The following MTMR7 variants were observed in gnomAD, a reference collection of about 807,000 sequenced individuals.
MTMR7 encodes the protein phosphatidylinositol-3-phosphate phosphatase MTMR7.
MTMR7 carries 76 observed loss-of-function variants against 81.2 expected under a neutral mutation model. The observed-to-expected ratio is 0.94, with a 90% confidence interval of 0.78 to 1.13. MTMR7 has a LOEUF of 1.13. Among genes scored for constraint, MTMR7 ranks in the 50% most tolerant of loss-of-function variants. The pLI, the probability that MTMR7 is intolerant of heterozygous loss-of-function variation, is 0.00. For missense variants in MTMR7, 1,044 were observed against 820.0 expected, an observed-to-expected ratio of 1.27 and a Z score of -3.34; for synonymous variants, 372 against 289.8, an observed-to-expected ratio of 1.28 and a Z score of -2.88.
intron 6 of MTMR7, among the ~76,000 whole-genome samples, chr8:17,336,925 G>T (rs1819258577): frequency 6.6e-6 from 1 of 152,156 alleles, no homozygotes; most frequent in Non-Finnish European, 1.5e-5. Context: ...TGGGCTCTGG[G>T]GTTAGATAAG....
Position 17,331,404 on chromosome 8 carries a change from G to A in MTMR7, c.733-122C>T, listed in dbSNP as rs149298638. 4.4e-3 allele frequency: 4,572 copies of A among 1,033,498 alleles called. 15 individuals are homozygous for A. Among genetic ancestry groups the A allele is most frequent in the Non-Finnish European group, 5.5e-3 (4,074 of 739,874 alleles). The allele number at this position is 1,033,498 out of a possible 1,614,324, so 64.0% of individuals were successfully genotyped here. ...AGAATGATGTACGGAAACATAATAC[G>A]CTTATTTGAATCACTGCAACCTTGT... On this transcript the variant is annotated intron_variant, in intron 6 of 13. Coordinates refer to ENST00000180173, the MANE Select transcript of MTMR7 (RefSeq NM_004686.5).
At chr8:17,351,646 A>G (rs915846869) in intron 4 of MTMR7, among the ~76,000 whole-genome samples, 2 of 152,244 alleles carry the variant, frequency 1.3e-5, no homozygotes, top group African/African-American at 4.8e-5. Flanking sequence ...CCCTCTATGA[A>G]CACAATACCA....
chr8:17,408,395 C>CAAAAAAAAAAAAAAAAAAAAAAAAAAAA (rs530240881), intron 1 of MTMR7, among the ~76,000 whole-genome samples: 3 of 23,508 alleles, frequency 1.3e-4, no homozygotes, highest in African/African-American at 2.8e-4. Flanking sequence ...GACTCCGTCT[C>CAAAAAAAAAAAAAAAAAAAAAAAAAAAA]AAAAAAAAAA....
intron 7 of MTMR7, among the ~76,000 whole-genome samples, chr8:17,319,236 G>A (rs1391378504): frequency 6.6e-6 from 1 of 152,196 alleles, no homozygotes; most frequent in Non-Finnish European, 1.5e-5. Flanking sequence ...GAGCCTCGCT[G>A]TCTTCAAATA....
rs548044081 is a variant in MTMR7, at chr8:17,338,887, A to G, written c.732+2476T>C. 3.9e-5 allele frequency: 6 copies of G among 152,306 alleles called. No individual in the cohort carries two copies. The East Asian group carries it at 9.6e-4, about 24-fold the overall frequency. The allele number at this position is 152,306 out of a possible 1,614,324, so 9.4% of individuals were successfully genotyped here. On this transcript the variant is annotated intron_variant, in intron 6 of 13. Transcript: ENST00000180173. The stretch of plus-strand genomic sequence containing the variant: ...TCCAGGACTGATTCGCTCATCTGGC[A>G]TCCGTGAGTAGTAACTCCACACACT...
chr8:17,361,975 T>G (rs1181780868), intron 3 of MTMR7, among the ~76,000 whole-genome samples: 6 of 152,184 alleles, frequency 3.9e-5, no homozygotes, highest in Non-Finnish European at 1.5e-5. Flanking sequence ...TATACTGCCT[T>G]TGATGCTTGT....
chr8:17,348,935 A>C lies in MTMR7; in HGVS notation c.597+18T>G. The C allele has an allele frequency of 1.9e-6, 3 of 1,613,466 alleles. No individual in the cohort carries two copies. The highest frequency in any genetic ancestry group is 2.5e-6 in the Non-Finnish European group (3 of 1,179,794). ...TAGAAAAGCAAAGTGTAAAACAAAA[A>C]CACGCCTCGAGACTTACGTGGTTAT... On this transcript the variant is annotated intron_variant, in intron 5 of 13. Transcript: ENST00000180173.
At chr8:17,394,034 C>G (rs1055710879) in intron 1 of MTMR7, among the ~76,000 whole-genome samples, 3 of 151,890 alleles carry the variant, frequency 2.0e-5, no homozygotes, top group Admixed American at 6.6e-5. Context: ...TAGCTATAAT[C>G]AAGAGATAAC....
intron 6 of MTMR7, among the ~76,000 whole-genome samples, chr8:17,336,033 G>A (rs889071964): frequency 1.3e-5 from 2 of 152,176 alleles, no homozygotes; most frequent in African/African-American, 4.8e-5. Flanking sequence ...GGAAAGCTCG[G>A]CAGGGTTCCA....
chr8:17,315,258 T>C (rs1205760740), intron 7 of MTMR7, among the ~76,000 whole-genome samples: 24 of 152,186 alleles, frequency 1.6e-4, no homozygotes, highest in Admixed American at 1.6e-3. Context: ...CTACATATTA[T>C]ATGATGTCAA....
At chr8:17,381,786 C>A (rs1185075043) in intron 1 of MTMR7, among the ~76,000 whole-genome samples, 1 of 152,160 alleles carries the variant, frequency 6.6e-6, no homozygotes, top group African/African-American at 2.4e-5. Flanking sequence ...AGAAAAGCAG[C>A]TAGATAAATA....
intron 3 of MTMR7, among the ~76,000 whole-genome samples, chr8:17,364,366 G>A (rs1440413177): frequency 2.0e-5 from 3 of 152,060 alleles, no homozygotes; most frequent in African/African-American, 4.8e-5. Flanking sequence ...ACTACAATGT[G>A]GAATGATTAA....
intron 5 of MTMR7, among the ~76,000 whole-genome samples, chr8:17,343,032 A>C (rs138100860): frequency 4.5e-4 from 69 of 152,266 alleles, no homozygotes; most frequent in African/African-American, 1.6e-3. Flanking sequence ...TGTTTCCTTT[A>C]ATCTTTAAGG....
At chr8:17,364,428 C>T (rs79336676) in intron 3 of MTMR7, among the ~76,000 whole-genome samples, 10,819 of 152,164 alleles carry the variant, frequency 0.071, 695 homozygotes, top group East Asian at 0.32. Flanking sequence ...TTTTTTGTAA[C>T]GAGAACATCT....
chr8:17,320,500 G>C (rs1362204030), intron 7 of MTMR7, among the ~76,000 whole-genome samples: 1 of 152,130 alleles, frequency 6.6e-6, no homozygotes, highest in African/African-American at 2.4e-5. Context: ...TGAGAGGCAG[G>C]TCATGTAATC....
At chr8:17,346,621 A>G (rs542237735) in intron 5 of MTMR7, among the ~76,000 whole-genome samples, 1 of 151,258 alleles carries the variant, frequency 6.6e-6, no homozygotes, top group African/African-American at 2.5e-5. Context: ...TACTACTCAC[A>G]TTGACAAAAA....
Position 17,298,042 on chromosome 8 carries a change from TA to T in MTMR7, c.*1819del, listed in dbSNP as rs1255417484. 6.6e-6 allele frequency: 1 copy of T among 152,188 alleles called. No homozygotes were observed. Among genetic ancestry groups the T allele is most frequent in the African/African-American group, 2.4e-5 (1 of 41,564 alleles). The allele number at this position is 152,188 out of a possible 1,614,324, so 9.4% of individuals were successfully genotyped here. A position where few individuals can be genotyped will look rare whatever the true frequency, so the allele number is the denominator to read the frequency against. ...TTGGCATAGATACTTTGTCATTTTT[TA>T]AAAAATGTTTATTGTTTTTATAGAC... On this transcript the variant is annotated 3_prime_UTR_variant, in exon 14 of 14. Coordinates refer to ENST00000180173, the MANE Select transcript of MTMR7 (RefSeq NM_004686.5).
Position 17,361,286 on chromosome 8 carries a change from G to C in MTMR7, c.311-12C>G. 1 of 1,613,978 alleles carries C rather than the reference G, an allele frequency of 6.2e-7. No individual in the cohort carries two copies. Among genetic ancestry groups the C allele is most frequent in the Non-Finnish European group, 8.5e-7 (1 of 1,179,888 alleles). On this transcript the variant is annotated splice_polypyrimidine_tract_variant and intron_variant, in intron 3 of 13. Coordinates refer to ENST00000180173, the MANE Select transcript of MTMR7 (RefSeq NM_004686.5). ...CTCCTCATATTTCACTGCAAGAAAA[G>C]GTAGGATAAAGTTAAATCAAGCTTA...
intron 7 of MTMR7, among the ~76,000 whole-genome samples, chr8:17,319,753 G>C (rs1483899431): frequency 3.3e-5 from 5 of 152,198 alleles, no homozygotes; most frequent in African/African-American, 1.2e-4. Flanking sequence ...TACGTGGTGA[G>C]ACGAGGCTCC....
Sources: gnomAD v4.1 joint callset for allele counts (sites outside exome capture counted in the v4.1 genomes callset) on GRCh38, gnomAD v4.1.1 for gene constraint, MANE v1.5 for transcripts, NCBI Gene and HGNC (gene_info 2026-07-23, HGNC 2026-07-21) for gene names.